Variants in BMAL2 observed in about 807,000 individuals in gnomAD.
BMAL2 encodes the protein basic helix-loop-helix ARNT-like protein 2.
At chr12:27,382,325 C>T in the BMAL2 span, among the ~76,000 whole-genome samples, 14 of 152,218 alleles carry the variant, frequency 9.2e-5, no homozygotes, top group Admixed American at 9.2e-4. Context: ...TGAGCATCAA[C>T]CGCATTCCTG....
chr12:27,374,413 A>G, the BMAL2 span, among the ~76,000 whole-genome samples: 4 of 152,204 alleles, frequency 2.6e-5, no homozygotes, highest in Admixed American at 6.5e-5. Context: ...TTTAAAGTAT[A>G]TGGGAGGATG....
the BMAL2 span, among the ~76,000 whole-genome samples, chr12:27,397,092 A>T: frequency 6.6e-6 from 1 of 152,060 alleles, no homozygotes; most frequent in Non-Finnish European, 1.5e-5. Flanking sequence ...ATTTATTGAG[A>T]TGGAGTCTTG....
chr12:27,369,825 A>T, the BMAL2 span, among the ~76,000 whole-genome samples: 1 of 152,216 alleles, frequency 6.6e-6, no homozygotes, highest in East Asian at 1.9e-4. Context: ...AAAATATAAG[A>T]AACATGCGAA....
At chr12:27,364,780 A>G in the BMAL2 span, among the ~76,000 whole-genome samples, 1 of 152,174 alleles carries the variant, frequency 6.6e-6, no homozygotes, top group Non-Finnish European at 1.5e-5. Context: ...AAAGCCTGGC[A>G]TATCTTTCCA....
At chr12:27,390,907 G>T in the BMAL2 span, among the ~76,000 whole-genome samples, 2 of 152,220 alleles carry the variant, frequency 1.3e-5, no homozygotes, top group East Asian at 3.9e-4. Flanking sequence ...CCTTTAAAAG[G>T]ATATTTATAT....
At chr12:27,389,299 A>G in the BMAL2 span, 1 of 1,549,952 alleles carries the variant, frequency 6.5e-7, no homozygotes, top group Non-Finnish European at 8.9e-7. Flanking sequence ...TGCCAAAAGT[A>G]AGTGTCCATT....
chr12:27,406,434 A>G, the BMAL2 span, among the ~76,000 whole-genome samples: 1 of 152,238 alleles, frequency 6.6e-6, no homozygotes, highest in Non-Finnish European at 1.5e-5. Context: ...GTGGGGGCCA[A>G]TATTCAACAT....
the BMAL2 span, among the ~76,000 whole-genome samples, chr12:27,408,018 A>G: frequency 2.0e-5 from 3 of 150,430 alleles, no homozygotes; most frequent in African/African-American, 7.5e-5. Flanking sequence ...TTCCTGACAC[A>G]TACAGCCTCC....
the BMAL2 span, among the ~76,000 whole-genome samples, chr12:27,410,983 C>A: frequency 5.6e-3 from 845 of 151,974 alleles, 11 homozygotes; most frequent in African/African-American, 0.019. Context: ...GGATTTCATA[C>A]GGTAAAATAG....
chr12:27,401,173 G>A, the BMAL2 span: 9 of 1,088,906 alleles, frequency 8.3e-6, no homozygotes, highest in African/African-American at 6.2e-5. Context: ...ACTTCTTTAC[G>A]ATCCTGACCA....
chr12:27,409,839 T>C, the BMAL2 span, among the ~76,000 whole-genome samples: 4 of 152,266 alleles, frequency 2.6e-5, no homozygotes, highest in Middle Eastern at 3.4e-3. Flanking sequence ...TTTTGCAATC[T>C]ACTCATCGGA....
chr12:27,390,090 C>T, the BMAL2 span: 1,463 of 1,613,328 alleles, frequency 9.1e-4, 19 homozygotes, highest in East Asian at 0.015. Context: ...CCCTTCTGCA[C>T]GAAAGCTGGT....
the BMAL2 span, among the ~76,000 whole-genome samples, chr12:27,409,386 C>G: frequency 1.3e-5 from 2 of 152,032 alleles, no homozygotes; most frequent in Admixed American, 1.3e-4. Context: ...GGTACTGGTA[C>G]CAAAACAGAG....
At chr12:27,350,288 C>G in the BMAL2 span, among the ~76,000 whole-genome samples, 1 of 152,196 alleles carries the variant, frequency 6.6e-6, no homozygotes. Flanking sequence ...CTGCCACTTT[C>G]AAAAATCAGT....
At chr12:27,368,481 T>C in the BMAL2 span, 1 of 1,526,244 alleles carries the variant, frequency 6.6e-7, no homozygotes, top group Non-Finnish European at 9.0e-7. Context: ...ATATTCCTTT[T>C]AAAATCATTA....
chr12:27,389,444 A>G, the BMAL2 span: 1 of 564,812 alleles, frequency 1.8e-6, no homozygotes, highest in Non-Finnish European at 3.1e-6. Flanking sequence ...TAATAAATAT[A>G]TATAGCTATA....
chr12:27,400,178 C>T, the BMAL2 span, among the ~76,000 whole-genome samples: 13 of 151,960 alleles, frequency 8.6e-5, no homozygotes, highest in African/African-American at 7.2e-5. Flanking sequence ...AACAATATTG[C>T]AAGGGGGCAT....
the BMAL2 span, among the ~76,000 whole-genome samples, chr12:27,364,300 T>G: frequency 1.3e-5 from 2 of 152,214 alleles, no homozygotes; most frequent in African/African-American, 4.8e-5. Context: ...TTTTCTGTAT[T>G]CTGTTTTTAT....
the BMAL2 span, chr12:27,376,457 G>A: frequency 4.2e-6 from 6 of 1,425,032 alleles, no homozygotes; most frequent in East Asian, 1.4e-4. Context: ...GTAGCCTAAG[G>A]CAAAGGTGAC....
Sources: gnomAD v4.1 joint callset for allele counts (sites outside exome capture counted in the v4.1 genomes callset) on GRCh38, gnomAD v4.1.1 for gene constraint, MANE v1.5 for transcripts, NCBI Gene and HGNC (gene_info 2026-07-23, HGNC 2026-07-21) for gene names.